Variants in ABCA2 observed in about 807,000 individuals in gnomAD.
ABCA2 encodes the protein ATP binding cassette subfamily A member 2, also known as ATP-binding cassette sub-family A member 2.
In ABCA2, 84 loss-of-function variants were observed where a neutral mutation model predicts 262.8. The ratio of observed to expected loss-of-function variants is 0.32; its 90% CI spans 0.27 to 0.38. ABCA2 has a LOEUF of 0.38. Ranked by LOEUF, ABCA2 falls within the 10% of genes least tolerant of loss-of-function variation. ABCA2 has a pLI of 1.00. For synonymous variants in ABCA2, 1,696 were observed against 1,502.9 expected (o/e 1.13, Z -2.97); for missense variants, 2,662 against 3,405.9 (o/e 0.78, Z 5.44).
chr9:137,016,489 A>G lies in ABCA2; in HGVS notation c.2924-18T>C, dbSNP rs1427752454. On this transcript the variant is annotated intron_variant, in intron 20 of 48. Transcript: ENST00000341511. ...GGTCTCCTCTGCACCAGGGCTGTGG[A>G]TCAGCAGGGTGGGGGCGGCGCCAAG... The G allele has an allele frequency of 1.2e-6, 2 of 1,612,488 alleles. No homozygotes were observed. Among genetic ancestry groups the G allele is most frequent in the Non-Finnish European group, 1.7e-6 (2 of 1,179,884 alleles).
chr9:137,016,093 C>G lies in ABCA2; in HGVS notation c.3186G>C (p.Glu1062Asp). 1 of 1,612,868 alleles carries G rather than the reference C, an allele frequency of 6.2e-7. No individual in the cohort carries two copies. Among genetic ancestry groups the G allele is most frequent in the Non-Finnish European group, 8.5e-7 (1 of 1,180,006 alleles). ...GGCACATGCCCAGGTTCTTGCGGAT[C>G]TCATCCATCTCCGTGCGGATGTCGT... ...YGHDIRTEMD[E>D]IRKNLGMCPQ... is the part of the protein sequence containing the mutation. The change falls in exon 22 of 49, where the codon GAG (glutamate) becomes GAC (aspartate). Residue 1062 changes from glutamate (E) to aspartate (D), a missense_variant. Around this residue, in one of 12 missense-constraint regions of ABCA2, gnomAD observed 180 missense variants for 307.3 expected, o/e 0.59. Transcript: ENST00000341511.
At position 137,011,380 on chromosome 9, in the gene ABCA2, A is replaced by G. The variant is rs1274303412; in HGVS notation, c.5799+27T>C. 2 of 1,607,444 alleles carry G rather than the reference A, an allele frequency of 1.2e-6. No homozygotes were observed. The highest frequency in any genetic ancestry group is 1.7e-6 in the Non-Finnish European group (2 of 1,177,256). On this transcript the variant is annotated intron_variant, in intron 37 of 48. Coordinates refer to ENST00000341511, the MANE Select transcript of ABCA2 (RefSeq NM_001606.5). This position sits in a 1 kb window ranked among gnomAD's most constrained non-coding sequence, Gnocchi z 8.8. ...GGGCACAGCCTCCGCAGGGTCCGCC[A>G]CCCCCACCATGTCGTCACCGCCCCA... is the stretch of plus-strand genomic sequence containing the variant.
At chr9:137,013,747 G>T (rs1831154042) in intron 28 of ABCA2, 85 bp downstream of exon 28, 2 of 1,469,576 alleles carry the variant, frequency 1.4e-6, no homozygotes, top group South Asian at 1.2e-5. Context: ...CCAGAGTCAG[G>T]AAGCTCAGGA....
chr9:137,013,872 G>A lies in ABCA2; in HGVS notation c.4407C>T (p.Val1469=). 6.2e-7 allele frequency: 1 copy of A among 1,611,956 alleles called. No individual in the cohort carries two copies. ...ACAGGGCCACGGTCATGGCCACGCA[G>A]ACGAAGAAGGCTGGCAGCAAGATCT... ...FSQILLPAFF[V]CVAMTVALSV... is the part of the protein sequence containing the mutation. Residue 1469 remains valine (V), a synonymous_variant, in exon 28 of 49, where the codon GTC becomes GTT. Coordinates refer to ENST00000341511, the MANE Select transcript of ABCA2 (RefSeq NM_001606.5).
At chr9:137,017,388 G>T (rs775728197) in intron 17 of ABCA2, 42 bp from the exon 18 acceptor site, 4 of 1,608,850 alleles carry the variant, frequency 2.5e-6, no homozygotes, top group Non-Finnish European at 3.4e-6. Flanking sequence ...CCACCCGCAC[G>T]CCCGGCCTCC....
In ABCA2 at chr9:137,012,180, G is replaced by A. The variant is rs1234945184; in HGVS notation, c.5300-18C>T. The A allele has an allele frequency of 1.2e-6, 2 of 1,611,350 alleles. No homozygotes were observed. The highest frequency in any genetic ancestry group is 1.1e-5 in the South Asian group (1 of 91,058). ...GGTGATGCCTGCACACGGCGGGGCGGGGGCGGCAGCTTCAGGCCCCAGCTC... is the reference window on the plus strand; with the variant it reads ...GGTGATGCCTGCACACGGCGGGGCGAGGGCGGCAGCTTCAGGCCCCAGCTC... On this transcript the variant is annotated intron_variant, in intron 33 of 48. Transcript: ENST00000341511.
chr9:137,023,785 G>C, intron 3 of ABCA2, 53 bp downstream of exon 3: 1 of 734,196 alleles, frequency 1.4e-6, no homozygotes, highest in South Asian at 1.5e-5. Flanking sequence ...CGGCCCATGG[G>C]CCCCCCGCAG....
intron 5 of ABCA2, 47 bp downstream of exon 5, chr9:137,022,655 A>G (rs1379736601): frequency 1.3e-6 from 2 of 1,583,072 alleles, no homozygotes; most frequent in South Asian, 1.1e-5. Flanking sequence ...GTGACAGCAG[A>G]GCTTTGCCCG....
Position 137,013,169 on chromosome 9 carries a change from A to C in ABCA2, c.4700T>G (p.Leu1567Arg), listed in dbSNP as rs937888620. 2 of 1,600,940 alleles carry C rather than the reference A, an allele frequency of 1.2e-6. No individual in the cohort carries two copies. The highest frequency in any genetic ancestry group is 1.7e-6 in the Non-Finnish European group (2 of 1,175,714). Residue 1567 changes from leucine (L) to arginine (R), a missense_variant, in exon 30 of 49, where the codon CTG (leucine) becomes CGG (arginine). Transcript: ENST00000341511. ...LNLSSGESRL[L>R]AARFFDSMCL... The stretch of plus-strand genomic sequence containing the variant: ...CATGCTGTCGAAGAACCGAGCCGCC[A>C]GCAGGCGCGACTCCCCGCTGCTCAG...
At position 137,020,726 on chromosome 9, in the gene ABCA2, G is replaced by T. The variant is rs373851416; in HGVS notation, c.1233C>A (p.Ala411=). The change falls in exon 9 of 49, where the codon GCC becomes GCA. Residue 411 remains alanine, a synonymous_variant. Transcript: ENST00000341511. ...GQCSAFVQLW[A]GLQPILCGNN... is the part of the protein sequence containing the mutation. Reference sequence around the variant, plus strand: ...TGCCACACAAGATGGGCTGCAGGCCGGCCCAGAGCTGTACGAAGGCTGAGC... The same window carrying T: ...TGCCACACAAGATGGGCTGCAGGCCTGCCCAGAGCTGTACGAAGGCTGAGC... The T allele has an allele frequency of 4.4e-5, 70 of 1,601,428 alleles. No homozygotes were observed. In the African/African-American group the frequency reaches 8.1e-4, roughly 19 times the overall value.
At chr9:137,028,595 C>T (rs1831747265), upstream of ABCA2, 1 of 967,726 alleles carries the variant, frequency 1.0e-6, no homozygotes, top group Non-Finnish European at 1.3e-6. This position sits in a 1 kb window ranked among gnomAD's most constrained non-coding sequence, Gnocchi z 6.9. Context: ...TCTGCAGAGG[C>T]GCCCCAAGCC....
chr9:137,025,975 C>T (rs2131475415), intron 1 of ABCA2, among the ~76,000 whole-genome samples: 1 of 152,336 alleles, frequency 6.6e-6, no homozygotes, highest in East Asian at 1.9e-4. Flanking sequence ...AGCCCAGTGC[C>T]TTCACATCGC....
intron 27 of ABCA2, 61 bp downstream of exon 27, chr9:137,014,107 C>CGCTCCCCCGCAACCCT: frequency 5.0e-6 from 8 of 1,589,056 alleles, no homozygotes; most frequent in Non-Finnish European, 6.8e-6. Flanking sequence ...GCCCTCATGC[C>CGCTCCCCCGCAACCCT]GCTCCCCCGC....
rs1831160317 is a variant in ABCA2 at position 137,013,909 on chromosome 9, G to C, written c.4370C>G (p.Ala1457Gly). The C allele has an allele frequency of 6.2e-7, 1 of 1,612,650 alleles. No individual in the cohort carries two copies. Among genetic ancestry groups the C allele is most frequent in the Non-Finnish European group, 8.5e-7 (1 of 1,179,898 alleles). Residue 1457 changes from alanine (A) to glycine (G), a missense_variant, in exon 28 of 49, where the codon GCA becomes GGA. Ala to Gly is a moderately conservative substitution (Grantham distance 60). This residue lies in a region of ABCA2 where 75 missense variants were observed against 118.3 expected (regional missense o/e 0.63). Transcript: ENST00000341511. ...TGGCAGCAAGATCTGGGAGAAGAGT[G>C]CCTTGGAGTTGCGGCGGGCGCAGTG... ...RFHCARRNSK[A>G]LFSQILLPAF... is the part of the protein sequence containing the mutation.
chr9:137,019,152 G>A lies in ABCA2; in HGVS notation c.1554+26C>T, dbSNP rs375248327. ...GGGGCTCCCCACACCACCCACAGCC[G>A]CCTCCCTCGCGGGCACCCTTGGCAC... is the stretch of plus-strand genomic sequence containing the variant. On this transcript the variant is annotated intron_variant, in intron 11 of 48. Coordinates refer to ENST00000341511, the MANE Select transcript of ABCA2 (RefSeq NM_001606.5). This position sits in a 1 kb window ranked among gnomAD's most constrained non-coding sequence, Gnocchi z 4.4. 23 of 1,605,948 alleles carry A rather than the reference G, an allele frequency of 1.4e-5. No individual in the cohort carries two copies. The highest frequency in any genetic ancestry group is 9.4e-5 in the African/African-American group (7 of 74,810).
At position 137,020,438 on chromosome 9, in the gene ABCA2, G is replaced by A; in HGVS notation, c.1323C>T (p.Ser441=). The change falls in exon 10 of 49, where the codon AGC becomes AGT. Residue 441 remains serine, a synonymous_variant. Coordinates refer to ENST00000341511, the MANE Select transcript of ABCA2 (RefSeq NM_001606.5). ...RGNMSSLGFT[S]KEQRNLGLLV... ...GGAGGCCCAGGTTCCGCTGCTCCTT[G>A]CTCGTGAAGCCCAGGGAGCTCATGT... 3.1e-6 allele frequency: 5 copies of A among 1,612,006 alleles called. No individual in the cohort carries two copies. Among genetic ancestry groups the A allele is most frequent in the Non-Finnish European group, 4.2e-6 (5 of 1,179,626 alleles).
intron 40 of ABCA2, 34 bp downstream of exon 40, chr9:137,010,586 C>CA: frequency 7.5e-7 from 1 of 1,326,564 alleles, no homozygotes; most frequent in Non-Finnish European, 1.1e-6. Context: ...TGGCCTACCC[C>CA]ACCCAGGCCC....
chr9:137,015,304 C>A, intron 24 of ABCA2, 110 bp downstream of exon 24: 2 of 1,364,926 alleles, frequency 1.5e-6, no homozygotes, highest in East Asian at 2.5e-5. Context: ...AGCAGGCATC[C>A]TGGGCCCAGC....
chr9:137,018,271 C>A lies in ABCA2; in HGVS notation c.1900G>T (p.Glu634Ter). The A allele has an allele frequency of 6.2e-7, 1 of 1,610,190 alleles. No homozygotes were observed. The highest frequency in any genetic ancestry group is 8.5e-7 in the Non-Finnish European group (1 of 1,179,464). Residue 634 changes from glutamate (E) to a stop codon, truncating the protein, a stop_gained, in exon 14 of 49, where the codon GAG becomes TAG. Transcript: ENST00000341511. LOFTEE classifies it high-confidence loss of function. ...GCGCGGCGGATCTCGTTGGTTTTCT[C>A]GGTGAAGCTGGAGTTCTGGCGGATC... ...YKIRQNSSFT[E>*]KTNEIRRAYW... is the part of the protein sequence containing the mutation.
Sources: allele counts gnomAD v4.1 joint callset (sites outside exome capture counted in the v4.1 genomes callset), GRCh38; gene constraint gnomAD v4.1.1; regional missense constraint gnomAD v4.1.1; non-coding constraint Gnocchi (gnomAD v3.1); transcripts MANE v1.5; gene names NCBI Gene and HGNC (gene_info 2026-07-23, HGNC 2026-07-21).